Variants in NR3C2 observed in about 807,000 individuals in gnomAD.
The protein encoded by NR3C2 is mineralocorticoid receptor.
NR3C2 carries 15 observed loss-of-function variants against 86.4 expected under a neutral mutation model. The observed-to-expected ratio is 0.17, with a 90% CI of 0.12 to 0.27. The LOEUF (loss-of-function observed/expected upper bound fraction) is 0.27, where lower values mean the gene tolerates loss of function less well. NR3C2 is among the 10% of genes least tolerant of loss of function. The pLI, the probability that NR3C2 is intolerant of heterozygous loss-of-function variation, is 1.00. For synonymous variants in NR3C2, 458 were observed against 450.5 expected (o/e 1.02, Z -0.21); for missense variants, 960 against 1,195.6 (o/e 0.80, Z 2.91).
chr4:148,208,506 C>T (rs555471981), intron 3 of NR3C2: 9 of 152,366 alleles, frequency 5.9e-5, no homozygotes, highest in East Asian at 5.8e-4. Flanking sequence ...GTAGTACCCC[C>T]GTCCTTACAG....
intron 2 of NR3C2, among the ~76,000 whole-genome samples, chr4:148,405,341 A>G (rs539358366): frequency 6.6e-6 from 1 of 152,306 alleles, no homozygotes; most frequent in South Asian, 2.1e-4. Flanking sequence ...GTACACACAC[A>G]TCTCTTTCTC....
intron 3 of NR3C2, among the ~76,000 whole-genome samples, chr4:148,212,975 A>G (rs1231576141): frequency 6.6e-6 from 1 of 152,188 alleles, no homozygotes; most frequent in African/African-American, 2.4e-5. Context: ...AGGTATAAAA[A>G]CTGTTAAGAG....
intron 2 of NR3C2, among the ~76,000 whole-genome samples, chr4:148,358,469 G>C (rs1416854783): frequency 7.3e-6 from 1 of 136,746 alleles, no homozygotes; most frequent in African/African-American, 2.7e-5. Flanking sequence ...TGGGGGCTGT[G>C]GTGGGGTGGG....
At chr4:148,194,524 C>T (rs551127983) in intron 4 of NR3C2, among the ~76,000 whole-genome samples, 7 of 152,044 alleles carry the variant, frequency 4.6e-5, no homozygotes, top group East Asian at 1.9e-4. Context: ...AACTCAGGCT[C>T]GAAAAATTCA....
At chr4:148,353,016 G>C (rs1200863373) in intron 2 of NR3C2, among the ~76,000 whole-genome samples, 1 of 152,096 alleles carries the variant, frequency 6.6e-6, no homozygotes, top group Non-Finnish European at 1.5e-5. Context: ...TTCAAAAGCT[G>C]TTTGTATAGA....
intron 2 of NR3C2, among the ~76,000 whole-genome samples, chr4:148,291,658 C>T (rs1741800603): frequency 6.6e-6 from 1 of 152,050 alleles, no homozygotes; most frequent in East Asian, 1.9e-4. Flanking sequence ...ACTTTCTTAA[C>T]ATTGTTTTAA....
intron 2 of NR3C2, among the ~76,000 whole-genome samples, chr4:148,339,976 A>G (rs1370013008): frequency 1.3e-5 from 2 of 152,172 alleles, no homozygotes; most frequent in Admixed American, 1.3e-4. Context: ...TTAAATTCCA[A>G]GGAATAAATT....
intron 3 of NR3C2, among the ~76,000 whole-genome samples, chr4:148,224,199 C>A (rs1359661556): frequency 6.6e-6 from 1 of 151,284 alleles, no homozygotes; most frequent in Non-Finnish European, 1.5e-5. Flanking sequence ...TCCCTAATCT[C>A]AGGAAGAAGC....
At position 148,435,330 on chromosome 4, in the gene NR3C2, A is replaced by G. The variant is rs749003742; in HGVS notation, c.1531T>C (p.Ser511Pro). The G allele has an allele frequency of 2.5e-6, 4 of 1,614,076 alleles. No homozygotes were observed. The East Asian group carries it at 8.9e-5, about 36-fold the overall frequency. ...SYYPEASIPS[S>P]AIVGVNSGGQ... ...CCTGAATTCACCCCAACAATAGCAG[A>G]GGAAGGGATGCTGGCCTCTGGGTAA... The change falls in exon 2 of 9, where the codon TCT becomes CCT. Residue 511 changes from serine to proline, a missense_variant. Around this residue, in one of 4 missense-constraint regions of NR3C2, gnomAD observed 680 missense variants for 719.0 expected, o/e 0.95. Coordinates refer to ENST00000358102, the MANE Select transcript of NR3C2 (RefSeq NM_000901.5).
intron 2 of NR3C2, among the ~76,000 whole-genome samples, chr4:148,332,269 A>G (rs1217556209): frequency 6.6e-6 from 1 of 152,224 alleles, no homozygotes; most frequent in African/African-American, 2.4e-5. Flanking sequence ...ACTGCAAATA[A>G]TAACTACATC....
At chr4:148,174,402 C>T (rs1447239678) in intron 4 of NR3C2, among the ~76,000 whole-genome samples, 1 of 152,204 alleles carries the variant, frequency 6.6e-6, no homozygotes, top group East Asian at 1.9e-4. Flanking sequence ...ACCCAAATCA[C>T]CTCTATGGAG....
rs1323048417 is a variant in NR3C2, at chr4:148,348,238, TC to T, written c.1757+86865del. ...ACTTGGTTGGGGATTTAAGTTACATTCCCCCACCAGCCCTATCAGCCACAAA... is the reference window on the plus strand; with the variant it reads ...ACTTGGTTGGGGATTTAAGTTACATTCCCCACCAGCCCTATCAGCCACAAA... On this transcript the variant is annotated intron_variant, in intron 2 of 8. Coordinates refer to ENST00000358102, the MANE Select transcript of NR3C2 (RefSeq NM_000901.5). 2.0e-5 allele frequency among the ~76,000 whole-genome samples: 3 copies of T among 152,114 alleles called. No individual in the cohort carries two copies. In the East Asian group the frequency reaches 5.8e-4, roughly 29 times the overall value.
At chr4:148,292,566 T>C (rs1741848239) in intron 2 of NR3C2, among the ~76,000 whole-genome samples, 2 of 152,102 alleles carry the variant, frequency 1.3e-5, no homozygotes, top group Non-Finnish European at 2.9e-5. Context: ...GAAAGAAAAC[T>C]AGTTCCTCTT....
At chr4:148,407,253 G>A (rs965589630) in intron 2 of NR3C2, among the ~76,000 whole-genome samples, 14 of 152,182 alleles carry the variant, frequency 9.2e-5, no homozygotes, top group African/African-American at 3.4e-4. Context: ...TTGTTAGGAA[G>A]ATGGCATTTA....
At chr4:148,245,020 C>A (rs1739249284) in intron 3 of NR3C2, among the ~76,000 whole-genome samples, 1 of 152,106 alleles carries the variant, frequency 6.6e-6, no homozygotes, top group Non-Finnish European at 1.5e-5. Flanking sequence ...TCGAAGCAGC[C>A]CCTTACTGAT....
At chr4:148,318,560 T>C (rs1216292687) in intron 2 of NR3C2, among the ~76,000 whole-genome samples, 1 of 152,014 alleles carries the variant, frequency 6.6e-6, no homozygotes, top group Non-Finnish European at 1.5e-5. Context: ...TTTTTAATGA[T>C]GGCCATTCTA....
intron 2 of NR3C2, among the ~76,000 whole-genome samples, chr4:148,387,068 A>G (rs1352465097): frequency 1.3e-5 from 2 of 152,238 alleles, no homozygotes; most frequent in Non-Finnish European, 2.9e-5. Context: ...GATGGCAAAG[A>G]AACCTACTTC....
chr4:148,442,570 C>T (rs1381354961), upstream of NR3C2: 66 of 879,980 alleles, frequency 7.5e-5, no homozygotes, highest in Admixed American at 1.9e-4. Flanking sequence ...TCCCGCCCCC[C>T]TGAACCCTTC....
At chr4:148,409,691 A>C (rs896226040) in intron 2 of NR3C2, among the ~76,000 whole-genome samples, 3 of 152,156 alleles carry the variant, frequency 2.0e-5, no homozygotes, top group Non-Finnish European at 4.4e-5. Context: ...AAAATATATT[A>C]AAATGAAAAT....
Sources: allele counts gnomAD v4.1 joint callset (sites outside exome capture counted in the v4.1 genomes callset), GRCh38; gene constraint gnomAD v4.1.1; regional missense constraint gnomAD v4.1.1; transcripts MANE v1.5; gene names NCBI Gene and HGNC (gene_info 2026-07-23, HGNC 2026-07-21).